NEDD4L: variants seen among roughly 807,000 people sequenced by gnomAD.
NEDD4L encodes the protein E3 ubiquitin-protein ligase NEDD4-like.
NEDD4L carries 54 observed loss-of-function variants against 148.9 expected under a neutral mutation model. The observed-to-expected ratio is 0.36, with a 90% CI of 0.29 to 0.45. The LOEUF is 0.45. Ranked by LOEUF, NEDD4L falls within the 20% of genes least tolerant of loss-of-function variation. The pLI, the probability that NEDD4L is intolerant of heterozygous loss-of-function variation, is 1.00. For missense variants in NEDD4L, 856 were observed against 1,233.8 expected (o/e 0.69, Z 4.59); for synonymous variants, 433 against 440.7 (o/e 0.98, Z 0.22).
intron 1 of NEDD4L, among the ~76,000 whole-genome samples, chr18:58,072,328 G>A (rs184705984): frequency 6.6e-6 from 1 of 152,208 alleles, no homozygotes; most frequent in Non-Finnish European, 1.5e-5. Context: ...TGCAATGCTA[G>A]CTTTCCTCCC....
intron 2 of NEDD4L, among the ~76,000 whole-genome samples, chr18:58,205,921 T>C (rs868822027): frequency 6.6e-6 from 1 of 152,196 alleles, no homozygotes; most frequent in Non-Finnish European, 1.5e-5. Flanking sequence ...AGAATCCTAG[T>C]GTCCTTGTGC....
At chr18:58,355,232 C>G (rs1435244934) in intron 18 of NEDD4L, among the ~76,000 whole-genome samples, 1 of 152,166 alleles carries the variant, frequency 6.6e-6, no homozygotes, top group African/African-American at 2.4e-5. Context: ...AAAATGAGCC[C>G]TCTAGCAAGA....
At chr18:58,290,407 G>A (rs967659411) in intron 5 of NEDD4L, among the ~76,000 whole-genome samples, 1 of 148,702 alleles carries the variant, frequency 6.7e-6, no homozygotes, top group Non-Finnish European at 1.5e-5. Context: ...AGGTAAAATA[G>A]ATGATACTAT....
At chr18:58,255,944 G>A in intron 5 of NEDD4L, 2 of 1,231,040 alleles carry the variant, frequency 1.6e-6, no homozygotes, top group Non-Finnish European at 2.0e-6. Context: ...GGCCACGGAC[G>A]GGGCCACGGA....
At chr18:58,128,508 C>T in intron 1 of NEDD4L, among the ~76,000 whole-genome samples, 1 of 152,120 alleles carries the variant, frequency 6.6e-6, no homozygotes, top group Non-Finnish European at 1.5e-5. Flanking sequence ...AGTTTTGAGT[C>T]CCAAAACAAC....
chr18:58,203,958 C>T (rs11874278), intron 2 of NEDD4L, among the ~76,000 whole-genome samples: 4,660 of 152,236 alleles, frequency 0.031, 104 homozygotes, highest in Non-Finnish European at 0.045. Flanking sequence ...TGTGAAAAAG[C>T]CACTGCTTTT....
At chr18:58,178,079 G>A (rs2038384120) in intron 2 of NEDD4L, among the ~76,000 whole-genome samples, 1 of 152,218 alleles carries the variant, frequency 6.6e-6, no homozygotes, top group African/African-American at 2.4e-5. Flanking sequence ...AGGGGCATGT[G>A]TGTGAGCTGA....
chr18:58,076,183 T>G (rs1360546931), intron 1 of NEDD4L, among the ~76,000 whole-genome samples: 1 of 152,178 alleles, frequency 6.6e-6, no homozygotes, highest in Non-Finnish European at 1.5e-5. Context: ...ATGAGAAGCC[T>G]ACAAATATGC....
Position 58,151,625 on chromosome 18 carries a change from A to ATGTGTGTGTGTGTGTGTGTGTGTG in NEDD4L, c.49-14153_49-14130dup, listed in dbSNP as rs113714456. 6.5e-3 allele frequency among the ~76,000 whole-genome samples: 922 copies of ATGTGTGTGTGTGTGTGTGTGTGTG among 141,018 alleles called. 20 individuals are homozygous for ATGTGTGTGTGTGTGTGTGTGTGTG. Among genetic ancestry groups the ATGTGTGTGTGTGTGTGTGTGTGTG allele is most frequent in the East Asian group, 0.059 (278 of 4,686 alleles). The allele number at this position is 141,018 out of a possible 152,430, so 92.5% of individuals were successfully genotyped here. Reference sequence around the variant, plus strand: ...GAAGATGAGGTAGCTGTGCCTGGATATGTGTGTGTGTGTGTGTGTGTGTGT... The same window carrying ATGTGTGTGTGTGTGTGTGTGTGTG: ...GAAGATGAGGTAGCTGTGCCTGGATATGTGTGTGTGTGTGTGTGTGTGTGTGTGTGTGTGTGTGTGTGTGTGTGT... On this transcript the variant is annotated intron_variant, in intron 1 of 30. Transcript: ENST00000400345.
intron 2 of NEDD4L, among the ~76,000 whole-genome samples, chr18:58,241,636 C>T (rs1056836188): frequency 9.9e-5 from 15 of 151,808 alleles, no homozygotes; most frequent in African/African-American, 3.4e-4. Context: ...ACCACTGCTG[C>T]TGACTGCTTT....
At chr18:58,373,333 G>A (rs1211270450) in intron 24 of NEDD4L, 64 bp downstream of exon 24, 2 of 909,976 alleles carry the variant, frequency 2.2e-6, no homozygotes, top group Non-Finnish European at 3.5e-6. Flanking sequence ...TTCTTGACGG[G>A]CTGTAACACA....
At chr18:58,210,880 C>T (rs549509396) in intron 2 of NEDD4L, among the ~76,000 whole-genome samples, 2 of 152,024 alleles carry the variant, frequency 1.3e-5, no homozygotes, top group African/African-American at 2.4e-5. Context: ...CATCAAAACA[C>T]GAATGCACTA....
rs751417792 is a variant in NEDD4L, at chr18:58,094,900, T to TTAAAAAAAAA, written c.48+50192_48+50193insTAAAAAAAAA. The stretch of plus-strand genomic sequence containing the variant: ...CGTGAATGCCTCTAGAAAGAGCACT[T>TTAAAAAAAAA]AAAAAAAAAAAAAAAAAAGAAGGGA... On this transcript the variant is annotated intron_variant, in intron 1 of 30. Coordinates refer to ENST00000400345, the MANE Select transcript of NEDD4L (RefSeq NM_001144967.3). Among the ~76,000 whole-genome samples, 28 of 129,510 alleles carry TTAAAAAAAAA rather than the reference T, an allele frequency of 2.2e-4. 1 individual carries two copies. The highest frequency in any genetic ancestry group is 2.5e-4 in the African/African-American group (9 of 35,430). 85.0% of individuals were successfully genotyped at this position (129,510 alleles called of 152,430 possible). A position where few individuals can be genotyped will look rare whatever the true frequency, so the allele number is the denominator to read the frequency against.
chr18:58,144,149 G>A (rs1249626767), intron 1 of NEDD4L, among the ~76,000 whole-genome samples: 1 of 151,612 alleles, frequency 6.6e-6, no homozygotes, highest in African/African-American at 2.4e-5. Flanking sequence ...AGTCCATTAG[G>A]CCATTCTTGC....
At position 58,182,117 on chromosome 18, in the gene NEDD4L, CA is replaced by C. The variant is rs199780877; in HGVS notation, c.122+16257del. ...GTTTTGTTTTTGATAAAAATTCTAC[CA>C]GGGGCAGGGGAAAGAGTCCATTAAG... On this transcript the variant is annotated intron_variant, in intron 2 of 30. Coordinates refer to ENST00000400345, the MANE Select transcript of NEDD4L (RefSeq NM_001144967.3). 7.0e-3 allele frequency among the ~76,000 whole-genome samples: 1,057 copies of C among 152,078 alleles called. 6 individuals are homozygous for C. The highest frequency in any genetic ancestry group is 0.024 in the African/African-American group (988 of 41,450).
At chr18:58,248,621 T>G (rs1047497920) in intron 3 of NEDD4L, among the ~76,000 whole-genome samples, 1 of 152,158 alleles carries the variant, frequency 6.6e-6, no homozygotes, top group Non-Finnish European at 1.5e-5. Flanking sequence ...TTGAAGAAAT[T>G]TTTTATATTT....
chr18:58,287,057 G>A (rs1342377915), intron 5 of NEDD4L, among the ~76,000 whole-genome samples: 1 of 151,538 alleles, frequency 6.6e-6, no homozygotes, highest in African/African-American at 2.4e-5. Context: ...GATAATACTT[G>A]AGAAACTAGG....
intron 5 of NEDD4L, chr18:58,255,315 TA>T (rs10541382): frequency 0.41 from 75,519 of 184,846 alleles, 12,721 homozygotes; most frequent in African/African-American, 0.49. Context: ...TCTTGCTGTT[TA>T]AAAAAAAAAA....
intron 1 of NEDD4L, among the ~76,000 whole-genome samples, chr18:58,067,107 AT>A (rs1427570761): frequency 1.3e-5 from 2 of 152,182 alleles, no homozygotes; most frequent in Non-Finnish European, 2.9e-5. Flanking sequence ...ATGAGTTTTG[AT>A]TTTTGCCGAG....
Sources: gnomAD v4.1 joint callset for allele counts (sites outside exome capture counted in the v4.1 genomes callset) on GRCh38, gnomAD v4.1.1 for gene constraint, MANE v1.5 for transcripts, NCBI Gene and HGNC (gene_info 2026-07-23, HGNC 2026-07-21) for gene names.